Variants in RIMS1 observed in about 807,000 individuals in gnomAD.
The protein encoded by RIMS1 is regulating synaptic membrane exocytosis 1, also known as regulating synaptic membrane exocytosis protein 1.
Under a neutral mutation model 214.1 loss-of-function variants are expected in RIMS1, and 83 were observed. The observed-to-expected ratio is 0.39, with a 90% CI of 0.32 to 0.47. The LOEUF (loss-of-function observed/expected upper bound fraction) is 0.47. Ranked by LOEUF, RIMS1 falls within the 20% of genes least tolerant of loss-of-function variation. The probability of loss-of-function intolerance (pLI) is 0.99; values close to 1 mark genes in which losing one functional copy is unlikely to be tolerated. For missense variants in RIMS1, 2,050 were observed against 2,161.8 expected (o/e 0.95, Z 1.03); for synonymous variants, 793 against 786.8 (o/e 1.01, Z -0.13).
chr6:71,965,490 G>C (rs1794179289), intron 1 of RIMS1, among the ~76,000 whole-genome samples: 1 of 152,150 alleles, frequency 6.6e-6, no homozygotes, highest in African/African-American at 2.4e-5. Flanking sequence ...TCATCTGCAG[G>C]CTTGTGGCAA....
At chr6:72,026,417 A>G (rs1231393191) in intron 2 of RIMS1, among the ~76,000 whole-genome samples, 1 of 151,666 alleles carries the variant, frequency 6.6e-6, no homozygotes. Flanking sequence ...TGTAGACTCA[A>G]AAATTCTGTG....
At position 72,188,178 on chromosome 6, in the gene RIMS1, G is replaced by A. The variant is rs562983915; in HGVS notation, c.1678+5029G>A. ...CTGACTCAAATGTTAATCTCCTTTGGCAACACCCTCACAGACAACCCAGGA... is the reference window on the plus strand; with the variant it reads ...CTGACTCAAATGTTAATCTCCTTTGACAACACCCTCACAGACAACCCAGGA... On this transcript the variant is annotated intron_variant, in intron 6 of 33. Transcript: ENST00000521978. 4.6e-5 allele frequency among the ~76,000 whole-genome samples: 7 copies of A among 152,210 alleles called. No homozygotes were observed. In the South Asian group the frequency reaches 1.0e-3, roughly 23 times the overall value.
chr6:72,122,569 G>T (rs1380810968), intron 4 of RIMS1, among the ~76,000 whole-genome samples: 2 of 151,674 alleles, frequency 1.3e-5, no homozygotes, highest in Non-Finnish European at 3.0e-5. Context: ...TCCTCTTTGT[G>T]CCTCTGGTGG....
intron 4 of RIMS1, among the ~76,000 whole-genome samples, chr6:72,143,844 A>C (rs2042375348): frequency 6.6e-6 from 1 of 152,238 alleles, no homozygotes; most frequent in Non-Finnish European, 1.5e-5. Context: ...ATGACACATT[A>C]CTGCATAAAG....
In RIMS1 at chr6:72,190,340, G is replaced by C. The variant is rs141617441; in HGVS notation, c.1678+7191G>C. 3.1e-3 allele frequency among the ~76,000 whole-genome samples: 472 copies of C among 152,106 alleles called. 7 individuals carry two copies. Among genetic ancestry groups the C allele is most frequent in the African/African-American group, 0.01 (428 of 41,498 alleles). On this transcript the variant is annotated intron_variant, in intron 6 of 33. Coordinates refer to ENST00000521978, the MANE Select transcript of RIMS1 (RefSeq NM_014989.7). ...TAGCCGGGCATATTGGTGCATGCCT[G>C]TAATCCCAGCTACTCGGGAGGCTGA...
intron 6 of RIMS1, among the ~76,000 whole-genome samples, chr6:72,206,699 G>C (rs2154001089): frequency 6.6e-6 from 1 of 152,266 alleles, no homozygotes; most frequent in East Asian, 1.9e-4. Context: ...TTGATCCCAA[G>C]TCACAGGTAT....
At chr6:72,392,552 G>A (rs1168717470) in intron 30 of RIMS1, 146 bp from the exon 31 acceptor site, 1 of 690,726 alleles carries the variant, frequency 1.4e-6, no homozygotes, top group Non-Finnish European at 2.6e-6. Flanking sequence ...TTGGCTCAAA[G>A]GCAATGCAAA....
intron 26 of RIMS1, 33 bp from the exon 27 acceptor site, chr6:72,307,225 G>T (rs1446082899): frequency 7.1e-7 from 1 of 1,416,942 alleles, no homozygotes; most frequent in Non-Finnish European, 9.8e-7. Flanking sequence ...TTCTTCACAT[G>T]TTTTAATAGG....
intron 2 of RIMS1, among the ~76,000 whole-genome samples, chr6:72,040,745 G>C (rs150009879): frequency 6.6e-6 from 1 of 151,748 alleles, no homozygotes; most frequent in African/African-American, 2.4e-5. Flanking sequence ...AAAAATAGTA[G>C]ATTGTTAGGT....
intron 31 of RIMS1, among the ~76,000 whole-genome samples, chr6:72,394,909 AAAGT>A (rs2098755855): frequency 2.0e-5 from 3 of 152,082 alleles, no homozygotes; most frequent in African/African-American, 7.2e-5. Context: ...TTTCAGAGAT[AAAGT>A]ATCATATAAT....
At chr6:72,394,373 A>C (rs924717141) in intron 31 of RIMS1, among the ~76,000 whole-genome samples, 1 of 152,196 alleles carries the variant, frequency 6.6e-6, no homozygotes, top group African/African-American at 2.4e-5. Context: ...TCTAGTTCAC[A>C]AAGTTATGCA....
chr6:72,092,799 G>A (rs188142139), intron 2 of RIMS1, among the ~76,000 whole-genome samples: 208 of 152,164 alleles, frequency 1.4e-3, no homozygotes, highest in African/African-American at 4.8e-3. Flanking sequence ...TCTTCCTTAG[G>A]ACCTACTCCA....
At chr6:72,078,572 G>A (rs1258567884) in intron 2 of RIMS1, among the ~76,000 whole-genome samples, 3 of 152,000 alleles carry the variant, frequency 2.0e-5, no homozygotes, top group South Asian at 2.1e-4. Flanking sequence ...TGCCTATATC[G>A]GAAGTTGAGA....
chr6:72,216,608 A>G (rs2056145977), intron 6 of RIMS1: 3 of 985,480 alleles, frequency 3.0e-6, no homozygotes, highest in Admixed American at 6.1e-5. Flanking sequence ...GACCATTGCC[A>G]GTGATTGATA....
At chr6:72,045,548 T>C (rs1232061409) in intron 2 of RIMS1, among the ~76,000 whole-genome samples, 1 of 152,082 alleles carries the variant, frequency 6.6e-6, no homozygotes, top group East Asian at 1.9e-4. Flanking sequence ...TGCTATTTTA[T>C]TAAAATTAAT....
intron 20 of RIMS1, 66 bp from the exon 21 acceptor site, chr6:72,265,321 ATTG>A (rs1156871993): frequency 2.3e-6 from 2 of 874,876 alleles, no homozygotes; most frequent in East Asian, 2.7e-5. Context: ...TCATTTGTAT[ATTG>A]TTGTACTTGT....
At chr6:72,265,913 TTC>T (rs1239034689) in intron 21 of RIMS1, 45 bp from the exon 22 acceptor site, 1 of 1,342,054 alleles carries the variant, frequency 7.5e-7, no homozygotes. Context: ...TTTCTTTGTT[TTC>T]TCTGTCTTTC....
chr6:72,284,616 C>G (rs1488270737), intron 24 of RIMS1, among the ~76,000 whole-genome samples: 1 of 152,106 alleles, frequency 6.6e-6, no homozygotes, highest in Non-Finnish European at 1.5e-5. Context: ...TAAGGGATTA[C>G]TAACCTTTTG....
chr6:71,959,163 A>G (rs1792171647), intron 1 of RIMS1, among the ~76,000 whole-genome samples: 1 of 152,162 alleles, frequency 6.6e-6, no homozygotes, highest in Admixed American at 6.6e-5. Context: ...TTACAAAAGT[A>G]AAAGCCCAGG....
Sources: allele counts gnomAD v4.1 joint callset (sites outside exome capture counted in the v4.1 genomes callset), GRCh38; gene constraint gnomAD v4.1.1; transcripts MANE v1.5; gene names NCBI Gene and HGNC (gene_info 2026-07-23, HGNC 2026-07-21).